The following ST6GALNAC5 variants were observed in gnomAD, a reference collection of about 807,000 sequenced individuals.
ST6GALNAC5 encodes the protein alpha-N-acetylgalactosaminide alpha-2,6-sialyltransferase 5.
Under a neutral mutation model 33.6 loss-of-function variants are expected in ST6GALNAC5, and 27 were observed. The ratio of observed to expected loss-of-function variants is 0.80; its 90% CI spans 0.59 to 1.11. The LOEUF (loss-of-function observed/expected upper bound fraction) is 1.11. ST6GALNAC5 is among the 50% of genes least tolerant of loss of function. The pLI is 0.00. For synonymous variants in ST6GALNAC5, 194 were observed against 171.2 expected (o/e 1.13, Z -1.04); for missense variants, 428 against 454.0 (o/e 0.94, Z 0.52).
intron 2 of ST6GALNAC5, among the ~76,000 whole-genome samples, chr1:76,951,783 C>T (rs867952911): frequency 3.9e-5 from 6 of 152,128 alleles, no homozygotes; most frequent in Middle Eastern, 6.8e-3. Context: ...TCCATGTACC[C>T]AATCGTTTCT....
intron 2 of ST6GALNAC5, among the ~76,000 whole-genome samples, chr1:77,017,306 A>G (rs981919408): frequency 2.0e-5 from 3 of 152,146 alleles, no homozygotes; most frequent in African/African-American, 7.2e-5. Flanking sequence ...TTTCCACAAG[A>G]TATTAAGATG....
intron 2 of ST6GALNAC5, among the ~76,000 whole-genome samples, chr1:76,948,913 C>T (rs1183159667): frequency 6.6e-6 from 1 of 152,110 alleles, no homozygotes; most frequent in African/African-American, 2.4e-5. Context: ...GCATGAATGA[C>T]ACTTTGGGGA....
At chr1:76,907,850 A>G (rs918740563) in intron 2 of ST6GALNAC5, among the ~76,000 whole-genome samples, 2 of 152,124 alleles carry the variant, frequency 1.3e-5, no homozygotes, top group Admixed American at 1.3e-4. Context: ...TCTCAAGATC[A>G]TCCCAGTCCC....
chr1:76,901,064 C>T (rs916796980), intron 2 of ST6GALNAC5, among the ~76,000 whole-genome samples: 23 of 152,112 alleles, frequency 1.5e-4, no homozygotes, highest in African/African-American at 4.3e-4. Context: ...TGCTTTAGAA[C>T]TTAAAGATTG....
intron 2 of ST6GALNAC5, among the ~76,000 whole-genome samples, chr1:77,028,146 A>T (rs983447115): frequency 6.6e-6 from 1 of 152,178 alleles, no homozygotes; most frequent in Non-Finnish European, 1.5e-5. Context: ...AAATTCTTTA[A>T]CCCTTCTTTG....
intron 2 of ST6GALNAC5, among the ~76,000 whole-genome samples, chr1:76,965,216 C>CG (rs1553168900): frequency 1.8e-4 from 7 of 38,438 alleles, no homozygotes; most frequent in Admixed American, 1.0e-3. Context: ...TAGTTTACCA[C>CG]CCCCCCCACC....
chr1:77,039,815 C>T (rs1304384326), intron 2 of ST6GALNAC5, among the ~76,000 whole-genome samples: 4 of 152,170 alleles, frequency 2.6e-5, no homozygotes, highest in African/African-American at 9.7e-5. Context: ...AGAGAGAAGG[C>T]CTTGCTCAGC....
intron 2 of ST6GALNAC5, among the ~76,000 whole-genome samples, chr1:76,941,555 G>C (rs187196518): frequency 1.3e-5 from 2 of 152,174 alleles, no homozygotes; most frequent in Non-Finnish European, 2.9e-5. Flanking sequence ...TAAATTTAAG[G>C]CTCTTCAAAT....
chr1:76,914,055 A>T (rs1646942280), intron 2 of ST6GALNAC5, among the ~76,000 whole-genome samples: 1 of 152,198 alleles, frequency 6.6e-6, no homozygotes, highest in South Asian at 2.1e-4. Flanking sequence ...AATAACAGAC[A>T]GAGAGCCAAA....
intron 2 of ST6GALNAC5, among the ~76,000 whole-genome samples, chr1:76,966,344 A>G (rs1269709221): frequency 2.6e-5 from 4 of 152,032 alleles, no homozygotes; most frequent in African/African-American, 9.7e-5. Flanking sequence ...ATTTCTAAGT[A>G]TTTTATTCTC....
At chr1:76,940,282 G>T (rs1267645411) in intron 2 of ST6GALNAC5, among the ~76,000 whole-genome samples, 1 of 152,042 alleles carries the variant, frequency 6.6e-6, no homozygotes, top group African/African-American at 2.4e-5. Flanking sequence ...CATGAAATAA[G>T]TGTTCAATAA....
At chr1:77,041,309 A>G (rs1034564846) in intron 2 of ST6GALNAC5, among the ~76,000 whole-genome samples, 1 of 152,132 alleles carries the variant, frequency 6.6e-6, no homozygotes, top group African/African-American at 2.4e-5. Context: ...CACTTACAGC[A>G]CAGTTCTGTC....
At chr1:77,054,215 G>A (rs573945280) in intron 4 of ST6GALNAC5, among the ~76,000 whole-genome samples, 1 of 152,296 alleles carries the variant, frequency 6.6e-6, no homozygotes, top group African/African-American at 2.4e-5. Context: ...TGTGGGAGAA[G>A]ATGTTCACTC....
intron 2 of ST6GALNAC5, among the ~76,000 whole-genome samples, chr1:77,039,776 G>A (rs984991582): frequency 9.9e-5 from 15 of 152,274 alleles, no homozygotes; most frequent in South Asian, 2.1e-4. Flanking sequence ...CAAAGAATCG[G>A]GGAGGCTGAA....
At chr1:76,974,773 CTTTTTTTTTT>C (rs60357939) in intron 2 of ST6GALNAC5, among the ~76,000 whole-genome samples, 1,446 of 35,306 alleles carry the variant, frequency 0.041, 34 homozygotes, top group Admixed American at 0.15. Flanking sequence ...TTCTTTCTTT[CTTTTTTTTTT>C]TTTTTTTTTT....
At chr1:76,972,208 G>C (rs753984929) in intron 2 of ST6GALNAC5, among the ~76,000 whole-genome samples, 1 of 152,198 alleles carries the variant, frequency 6.6e-6, no homozygotes, top group Admixed American at 6.5e-5. Context: ...GGCAAGAAGA[G>C]AGCGTGTGCA....
intron 2 of ST6GALNAC5, among the ~76,000 whole-genome samples, chr1:77,039,006 T>C (rs146926430): frequency 6.6e-6 from 1 of 152,250 alleles, no homozygotes; most frequent in East Asian, 1.9e-4. Context: ...TGATGGCAAA[T>C]ACTTAAAATT....
At chr1:77,048,531 A>T (rs1323249531) in intron 3 of ST6GALNAC5, among the ~76,000 whole-genome samples, 1 of 152,188 alleles carries the variant, frequency 6.6e-6, no homozygotes, top group Non-Finnish European at 1.5e-5. Flanking sequence ...CAAAGGTCTT[A>T]TGAATATATA....
At chr1:76,967,916 T>C (rs1477529925) in intron 2 of ST6GALNAC5, among the ~76,000 whole-genome samples, 1 of 152,188 alleles carries the variant, frequency 6.6e-6, no homozygotes, top group African/African-American at 2.4e-5. Flanking sequence ...TAATCCTGAG[T>C]TCTAATTTGG....
Sources: gnomAD v4.1 joint callset for allele counts (sites outside exome capture counted in the v4.1 genomes callset) on GRCh38, gnomAD v4.1.1 for gene constraint, MANE v1.5 for transcripts, NCBI Gene and HGNC (gene_info 2026-07-23, HGNC 2026-07-21) for gene names.